PCBP3: variants seen among roughly 807,000 people sequenced by gnomAD.
PCBP3 encodes poly(rC) binding protein 3.
Under a neutral mutation model 52.7 loss-of-function variants are expected in PCBP3, and 25 were observed. That is an observed-to-expected ratio of 0.47 (90% CI 0.35 to 0.66). The LOEUF (loss-of-function observed/expected upper bound fraction) is 0.66. Ranked by LOEUF, PCBP3 falls within the 30% of genes least tolerant of loss-of-function variation. The probability of loss-of-function intolerance (pLI) is 0.01; values close to 1 mark genes in which losing one functional copy is unlikely to be tolerated. For missense variants in PCBP3, 391 were observed against 490.3 expected (o/e 0.80, Z 1.91); for synonymous variants, 162 against 183.0 (o/e 0.89, Z 0.93).
rs569680859 is a variant in PCBP3, at chr21:45,764,651, A to C, written c.-126+9199A>C. On this transcript the variant is annotated intron_variant, in intron 4 of 17. Coordinates refer to ENST00000681687, the MANE Select transcript of PCBP3 (RefSeq NM_001384156.1). ...GCAGTTTTCTGGACGGTGGGCAGGC[A>C]GCTGTGCTTAGGAGTACACCTGGGG... Among the ~76,000 whole-genome samples, 14 of 152,336 alleles carry C rather than the reference A, an allele frequency of 9.2e-5. No individual in the cohort carries two copies. In the East Asian group the frequency reaches 2.5e-3, roughly 27 times the overall value.
intron 4 of PCBP3, among the ~76,000 whole-genome samples, chr21:45,781,071 A>G (rs761344892): frequency 2.0e-5 from 3 of 152,150 alleles, no homozygotes; most frequent in Admixed American, 6.5e-5. Flanking sequence ...TATCTGATCA[A>G]CCACCTTGAG....
intron 4 of PCBP3, among the ~76,000 whole-genome samples, chr21:45,838,746 TG>T (rs1388178170): frequency 1.3e-5 from 2 of 152,230 alleles, no homozygotes; most frequent in African/African-American, 4.8e-5. Context: ...TATATTTCTT[TG>T]CACTTTTTTC....
At chr21:45,667,939 G>A (rs1221978572) in intron 1 of PCBP3, among the ~76,000 whole-genome samples, 1 of 152,090 alleles carries the variant, frequency 6.6e-6, no homozygotes, top group Non-Finnish European at 1.5e-5. Flanking sequence ...CACTGACTCT[G>A]TACTTGAATA....
rs916260710 is a variant in PCBP3 at position 45,791,207 on chromosome 21, C to T, written c.-126+35755C>T. 6.6e-5 allele frequency among the ~76,000 whole-genome samples: 10 copies of T among 152,106 alleles called. No homozygotes were observed. The highest frequency in any genetic ancestry group is 2.2e-4 in the African/African-American group (9 of 41,400). On this transcript the variant is annotated intron_variant, in intron 4 of 17. Coordinates refer to ENST00000681687, the MANE Select transcript of PCBP3 (RefSeq NM_001384156.1). The surrounding 1 kb of genome is among the most constrained non-coding windows in gnomAD (Gnocchi z 4.2). ...AAGGGGGAGTTTTGAAGACAGGAATCGGTATGAGATATGCATATTTATATG... is the reference window on the plus strand; with the variant it reads ...AAGGGGGAGTTTTGAAGACAGGAATTGGTATGAGATATGCATATTTATATG...
chr21:45,825,798 G>T (rs1275964786), intron 4 of PCBP3, among the ~76,000 whole-genome samples: 3 of 152,202 alleles, frequency 2.0e-5, no homozygotes, highest in Non-Finnish European at 4.4e-5. Flanking sequence ...CAGAGGTGGG[G>T]TTGGTGGTGG....
intron 4 of PCBP3, among the ~76,000 whole-genome samples, chr21:45,843,169 T>TTGAATAGTGAACTCACCGCTGTG (rs2093734112): frequency 6.9e-6 from 1 of 145,778 alleles, no homozygotes; most frequent in African/African-American, 2.8e-5. Flanking sequence ...TCTCTTCTGT[T>TTGAATAGTGAACTCACCGCTGTG]TGTTCCACAT....
chr21:45,644,623 T>A (rs896158275), intron 1 of PCBP3, among the ~76,000 whole-genome samples: 2 of 152,126 alleles, frequency 1.3e-5, no homozygotes, highest in Non-Finnish European at 2.9e-5. Context: ...ATCTCGTGGC[T>A]CGGGGTTGGT....
Position 45,696,661 on chromosome 21 carries a change from C to G in PCBP3, c.-200+27709C>G, listed in dbSNP as rs542154645. Among the ~76,000 whole-genome samples, 273 of 152,124 alleles carry G rather than the reference C, an allele frequency of 1.8e-3. 1 individual carries two copies. Among genetic ancestry groups the G allele is most frequent in the African/African-American group, 6.3e-3 (263 of 41,516 alleles). ...CAAAAATTAGCTGGGCATGGTGGCG[C>G]ACGCCTGTAGTCCCAGCTGCTTGGG... On this transcript the variant is annotated intron_variant, in intron 2 of 17. Coordinates refer to ENST00000681687, the MANE Select transcript of PCBP3 (RefSeq NM_001384156.1).
At chr21:45,775,923 AT>A (rs2090218173) in intron 4 of PCBP3, among the ~76,000 whole-genome samples, 1 of 152,192 alleles carries the variant, frequency 6.6e-6, no homozygotes, top group Non-Finnish European at 1.5e-5. Context: ...GAGATGCATT[AT>A]TAGACTGTTA....
intron 4 of PCBP3, among the ~76,000 whole-genome samples, chr21:45,779,626 A>G (rs1443708470): frequency 6.6e-6 from 1 of 152,240 alleles, no homozygotes; most frequent in East Asian, 1.9e-4. Flanking sequence ...TTTTAATAAC[A>G]TTAGAAATCT....
At chr21:45,717,406 G>C (rs1169845502) in intron 2 of PCBP3, among the ~76,000 whole-genome samples, 1 of 152,122 alleles carries the variant, frequency 6.6e-6, no homozygotes, top group African/African-American at 2.4e-5. Context: ...TCCTTGTCCT[G>C]TTTCTCATCT....
At chr21:45,824,845 A>G (rs997272321) in intron 4 of PCBP3, among the ~76,000 whole-genome samples, 1 of 152,336 alleles carries the variant, frequency 6.6e-6, no homozygotes, top group African/African-American at 2.4e-5. Flanking sequence ...GCTGCAGGAA[A>G]GCTGGCAGGA....
chr21:45,907,400 G>A lies in PCBP3; in HGVS notation c.340-1955G>A, dbSNP rs900686548. On this transcript the variant is annotated intron_variant, in intron 9 of 17. Transcript: ENST00000681687. ...ACGAAAGGGCTGCCCTCACGCCAGC[G>A]CCTCCCTTACCTCGAAGGGTAGAGA... is the stretch of plus-strand genomic sequence containing the variant. 2.6e-5 allele frequency among the ~76,000 whole-genome samples: 4 copies of A among 152,292 alleles called. No homozygotes were observed. In the East Asian group the frequency reaches 5.8e-4, roughly 22 times the overall value.
intron 5 of PCBP3, among the ~76,000 whole-genome samples, chr21:45,856,420 C>T (rs888173000): frequency 6.6e-6 from 1 of 152,204 alleles, no homozygotes; most frequent in Admixed American, 6.5e-5. Flanking sequence ...TTTGCCCTAC[C>T]CACATCTCAC....
chr21:45,845,220 T>A (rs1231590385), intron 4 of PCBP3, among the ~76,000 whole-genome samples: 1 of 152,248 alleles, frequency 6.6e-6, no homozygotes. Flanking sequence ...TGGTTTCCTG[T>A]CTGAAGCGGT....
intron 4 of PCBP3, among the ~76,000 whole-genome samples, chr21:45,765,196 G>C (rs2089188180): frequency 6.6e-6 from 1 of 152,210 alleles, no homozygotes; most frequent in African/African-American, 2.4e-5. Context: ...AGATATCCCT[G>C]TGGACTTGGG....
intron 2 of PCBP3, among the ~76,000 whole-genome samples, chr21:45,727,458 G>A (rs1202008144): frequency 6.6e-6 from 1 of 152,196 alleles, no homozygotes; most frequent in African/African-American, 2.4e-5. Flanking sequence ...CTGGAAGCAG[G>A]AGCACGGCTG....
chr21:45,690,351 A>T (rs1272105807), intron 2 of PCBP3, among the ~76,000 whole-genome samples: 3 of 152,162 alleles, frequency 2.0e-5, no homozygotes, highest in Admixed American at 6.5e-5. Flanking sequence ...TAAGTCCATG[A>T]AACTTTTAGA....
chr21:45,912,583 C>T lies in PCBP3; in HGVS notation c.601-1368C>T, dbSNP rs189439237. ...ACATCGCCACAGATGGTGCCCTGCC[C>T]ACCCAGGGCCCAGCACCCTGTACCC... On this transcript the variant is annotated intron_variant, in intron 11 of 17. Coordinates refer to ENST00000681687, the MANE Select transcript of PCBP3 (RefSeq NM_001384156.1). Among the ~76,000 whole-genome samples the T allele has an allele frequency of 2.2e-3, 330 of 152,222 alleles. 3 individuals are homozygous for T. The highest frequency in any genetic ancestry group is 4.1e-3 in the Non-Finnish European group (276 of 67,986).
Sources: gnomAD v4.1 joint callset for allele counts (sites outside exome capture counted in the v4.1 genomes callset) on GRCh38, gnomAD v4.1.1 for gene constraint, Gnocchi (gnomAD v3.1) non-coding constraint, MANE v1.5 for transcripts, NCBI Gene and HGNC (gene_info 2026-07-23, HGNC 2026-07-21) for gene names.